UBE2QL1: variants seen among roughly 807,000 people sequenced by gnomAD.
UBE2QL1 encodes the protein ubiquitin-conjugating enzyme E2Q-like protein 1.
A neutral mutation model predicts 12.6 loss-of-function variants in UBE2QL1; 5 were observed. The ratio of observed to expected loss-of-function variants is 0.40; its 90% CI spans 0.21 to 0.83. The LOEUF (loss-of-function observed/expected upper bound fraction) is 0.83, where lower values mean the gene tolerates loss of function less well. Ranked by LOEUF, UBE2QL1 falls within the 40% of genes least tolerant of loss-of-function variation. The pLI is 0.37. For missense variants in UBE2QL1, 99 were observed against 222.6 expected (o/e 0.44, Z 3.53); for synonymous variants, 96 against 94.5 (o/e 1.02, Z -0.10).
At chr5:6,454,462 C>G (rs1418957027) in intron 1 of UBE2QL1, among the ~76,000 whole-genome samples, 2 of 152,156 alleles carry the variant, frequency 1.3e-5, no homozygotes, top group African/African-American at 2.4e-5. Flanking sequence ...AACCCTGTCT[C>G]CAAATAAGGT....
intron 1 of UBE2QL1, among the ~76,000 whole-genome samples, chr5:6,469,355 T>C (rs1421791094): frequency 2.0e-5 from 3 of 151,598 alleles, no homozygotes; most frequent in Admixed American, 6.6e-5. Context: ...ATTATAAGGC[T>C]GGGTTCTTTA....
rs1361831683 is a variant in UBE2QL1 at position 6,476,020 on chromosome 5, C to G, written c.355-15198C>G. On this transcript the variant is annotated intron_variant, in intron 1 of 1. Transcript: ENST00000399816. This position sits in a 1 kb window ranked among gnomAD's most constrained non-coding sequence, Gnocchi z 4.9. Reference sequence around the variant, plus strand: ...TATTTTTTAAAGTATATTAGGATAACTTGTGATAAGTTCATCACACCCACT... The same window carrying G: ...TATTTTTTAAAGTATATTAGGATAAGTTGTGATAAGTTCATCACACCCACT... Among the ~76,000 whole-genome samples the G allele has an allele frequency of 2.0e-5, 3 of 152,200 alleles. No homozygotes were observed. Among genetic ancestry groups the G allele is most frequent in the African/African-American group, 7.2e-5 (3 of 41,446 alleles).
rs374999726 is a variant in UBE2QL1 at position 6,490,123 on chromosome 5, G to A, written c.355-1095G>A. 5.1e-4 allele frequency among the ~76,000 whole-genome samples: 77 copies of A among 152,324 alleles called. 1 individual carries two copies. The East Asian group carries it at 0.011, about 22-fold the overall frequency. On this transcript the variant is annotated intron_variant, in intron 1 of 1. Transcript: ENST00000399816. ...GGAGCAGATCTTCCAGGAGAGCCTG[G>A]GGGAGGTTAAGTGGAAGGAAATGTG...
In UBE2QL1 at chr5:6,493,914, G is replaced by A. The variant is rs1734622851; in HGVS notation, c.*2565G>A. 6.6e-6 allele frequency: 1 copy of A among 152,184 alleles called. No homozygotes were observed. The allele number at this position is 152,184 out of a possible 1,614,324, so 9.4% of individuals were successfully genotyped here. A position where few individuals can be genotyped will look rare whatever the true frequency, so the allele number is the denominator to read the frequency against. On this transcript the variant is annotated 3_prime_UTR_variant, in exon 2 of 2. Coordinates refer to ENST00000399816, the MANE Select transcript of UBE2QL1 (RefSeq NM_001145161.3). ...GTGGACACCTGCCTCTGGAGCCCAG[G>A]GTGAGAAGGAGAGGCCTGAAGCCTG...
chr5:6,454,166 G>A (rs1739470802), intron 1 of UBE2QL1, among the ~76,000 whole-genome samples: 1 of 152,112 alleles, frequency 6.6e-6, no homozygotes, highest in African/African-American at 2.4e-5. Context: ...ACAGGTGTGA[G>A]CCACCTCACC....
At chr5:6,459,393 T>G (rs1030742275) in intron 1 of UBE2QL1, among the ~76,000 whole-genome samples, 3 of 152,164 alleles carry the variant, frequency 2.0e-5, no homozygotes, top group Admixed American at 6.5e-5. Context: ...ATAAGAGAGA[T>G]AGAGGGCTCT....
chr5:6,491,394 C>T lies in UBE2QL1; in HGVS notation c.*45C>T. 6.6e-7 allele frequency: 1 copy of T among 1,509,854 alleles called. No homozygotes were observed. The highest frequency in any genetic ancestry group is 8.9e-7 in the Non-Finnish European group (1 of 1,129,416). 93.5% of individuals were successfully genotyped at this position (1,509,854 alleles called of 1,614,324 possible). Reference sequence around the variant, plus strand: ...ACGCTCGAGCGCCTGTCCACACACACACCAGTACCCTGACATCTCCTCAAT... The same window carrying T: ...ACGCTCGAGCGCCTGTCCACACACATACCAGTACCCTGACATCTCCTCAAT... On this transcript the variant is annotated 3_prime_UTR_variant, in exon 2 of 2. Transcript: ENST00000399816.
Position 6,491,370 on chromosome 5 carries a change from C to A in UBE2QL1, c.*21C>A. ...GCTGATGTCTGCCACGTGCAGTAGA[C>A]GCTCGAGCGCCTGTCCACACACACA... On this transcript the variant is annotated 3_prime_UTR_variant, in exon 2 of 2. Coordinates refer to ENST00000399816, the MANE Select transcript of UBE2QL1 (RefSeq NM_001145161.3). 3 of 1,539,434 alleles carry A rather than the reference C, an allele frequency of 1.9e-6. No individual in the cohort carries two copies. The South Asian group carries it at 3.7e-5, about 19-fold the overall frequency.
chr5:6,462,636 G>A (rs1739697745), intron 1 of UBE2QL1, among the ~76,000 whole-genome samples: 1 of 152,188 alleles, frequency 6.6e-6, no homozygotes, highest in African/African-American at 2.4e-5. Context: ...TAACTGCCGG[G>A]CTTGACAGAA....
chr5:6,480,688 C>T (rs1348975164), intron 1 of UBE2QL1, among the ~76,000 whole-genome samples: 1 of 152,198 alleles, frequency 6.6e-6, no homozygotes, highest in African/African-American at 2.4e-5. Context: ...GCAAGTGCTG[C>T]TTCTGTTTTG....
chr5:6,492,581 C>A lies in UBE2QL1; in HGVS notation c.*1232C>A, dbSNP rs1734596445. 2 of 152,222 alleles carry A rather than the reference C, an allele frequency of 1.3e-5. No homozygotes were observed. The highest frequency in any genetic ancestry group is 6.5e-5 in the Admixed American group (1 of 15,292). The allele number at this position is 152,222 out of a possible 1,614,324, so 9.4% of individuals were successfully genotyped here. ...TTATTGGACACATTTTAAATAAAATCATGCATACCTGATACACTGCCTCAA... is the reference window on the plus strand; with the variant it reads ...TTATTGGACACATTTTAAATAAAATAATGCATACCTGATACACTGCCTCAA... On this transcript the variant is annotated 3_prime_UTR_variant, in exon 2 of 2. Coordinates refer to ENST00000399816, the MANE Select transcript of UBE2QL1 (RefSeq NM_001145161.3).
intron 1 of UBE2QL1, among the ~76,000 whole-genome samples, chr5:6,457,721 G>A (rs1307521409): frequency 6.6e-6 from 1 of 152,248 alleles, no homozygotes; most frequent in Non-Finnish European, 1.5e-5. Flanking sequence ...GCACAGAGCT[G>A]AGCTGCCACC....
rs1734227392 is a variant in UBE2QL1, at chr5:6,476,191, G to A, written c.355-15027G>A. On this transcript the variant is annotated intron_variant, in intron 1 of 1. Coordinates refer to ENST00000399816, the MANE Select transcript of UBE2QL1 (RefSeq NM_001145161.3). The surrounding 1 kb of genome is among the most constrained non-coding windows in gnomAD (Gnocchi z 4.9). ...AGGAGGCGGGGCCTGAGCAGGGAGG[G>A]GGTGGGGTCCCGATGTTTGTGCAGA... Among the ~76,000 whole-genome samples, 1 of 152,032 alleles carries A rather than the reference G, an allele frequency of 6.6e-6. No homozygotes were observed. Among genetic ancestry groups the A allele is most frequent in the African/African-American group, 2.4e-5 (1 of 41,388 alleles).
intron 1 of UBE2QL1, among the ~76,000 whole-genome samples, chr5:6,485,916 A>G (rs1734459799): frequency 6.6e-6 from 1 of 152,222 alleles, no homozygotes; most frequent in Non-Finnish European, 1.5e-5. Flanking sequence ...AATATACTGA[A>G]TTTGCCTGTG....
chr5:6,474,133 G>A (rs1734162863), intron 1 of UBE2QL1, among the ~76,000 whole-genome samples: 1 of 152,226 alleles, frequency 6.6e-6, no homozygotes, highest in Admixed American at 6.5e-5. Flanking sequence ...ATCAGAATTT[G>A]AGTGCTGGCA....
At chr5:6,477,553 G>T (rs889091781) in intron 1 of UBE2QL1, among the ~76,000 whole-genome samples, 6 of 152,226 alleles carry the variant, frequency 3.9e-5, no homozygotes, top group South Asian at 2.1e-4. Flanking sequence ...AGTCAGTGGG[G>T]CTTTGTTCAA....
At chr5:6,461,095 A>G (rs1739648350) in intron 1 of UBE2QL1, among the ~76,000 whole-genome samples, 1 of 152,244 alleles carries the variant, frequency 6.6e-6, no homozygotes, top group African/African-American at 2.4e-5. Context: ...TTTCTTTAGT[A>G]GAATTTAAGA....
At chr5:6,470,637 C>G (rs958458711) in intron 1 of UBE2QL1, among the ~76,000 whole-genome samples, 7 of 152,180 alleles carry the variant, frequency 4.6e-5, no homozygotes, top group African/African-American at 1.7e-4. Context: ...TGGACATATT[C>G]CTGGTCAACT....
chr5:6,449,294 C>G, intron 1 of UBE2QL1, 47 bp downstream of exon 1: 1 of 1,309,292 alleles, frequency 7.6e-7, no homozygotes, highest in Middle Eastern at 2.6e-4. Flanking sequence ...GAGATCGGGT[C>G]TGCAGCGCCG....
Sources: allele counts gnomAD v4.1 joint callset (sites outside exome capture counted in the v4.1 genomes callset), GRCh38; gene constraint gnomAD v4.1.1; non-coding constraint Gnocchi (gnomAD v3.1); transcripts MANE v1.5; gene names NCBI Gene and HGNC (gene_info 2026-07-23, HGNC 2026-07-21).